Variants in PCBP3 observed in about 807,000 individuals in gnomAD.
PCBP3 encodes poly(rC) binding protein 3.
A neutral mutation model predicts 52.7 loss-of-function variants in PCBP3; 25 were observed. The observed-to-expected ratio is 0.47, with a 90% confidence interval of 0.35 to 0.66. The LOEUF is 0.66. Among genes scored for constraint, PCBP3 ranks in the 30% least tolerant of loss-of-function variants. The pLI is 0.01. For missense variants in PCBP3, 391 were observed against 490.3 expected (o/e 0.80, Z 1.91); for synonymous variants, 162 against 183.0 (o/e 0.89, Z 0.93).
At position 45,646,107 on chromosome 21, in the gene PCBP3, C is replaced by CTGTGTGTGTGTGTG. The variant is rs765931494; in HGVS notation, c.-279+2265_-279+2278dup. ...TTTCTCTCTCTCTCTCTCTCTCTCT[C>CTGTGTGTGTGTGTG]TGTGTGTGTGTGTGTGTGTGTGTGT... On this transcript the variant is annotated intron_variant, in intron 1 of 17. Transcript: ENST00000681687. Among the ~76,000 whole-genome samples, 279 of 83,818 alleles carry CTGTGTGTGTGTGTG rather than the reference C, an allele frequency of 3.3e-3. 1 individual carries two copies. Among genetic ancestry groups the CTGTGTGTGTGTGTG allele is most frequent in the Middle Eastern group, 0.025 (4 of 160 alleles). The allele number at this position is 83,818 out of a possible 152,430, so 55.0% of individuals were successfully genotyped here. A position where few individuals can be genotyped will look rare whatever the true frequency, so the allele number is the denominator to read the frequency against.
chr21:45,683,255 G>A (rs955947997), intron 2 of PCBP3, among the ~76,000 whole-genome samples: 6 of 152,182 alleles, frequency 3.9e-5, no homozygotes, highest in African/African-American at 1.2e-4. Context: ...TTTTGGTGGA[G>A]TAATAGGGCA....
chr21:45,894,195 A>G (rs1033366), intron 5 of PCBP3, among the ~76,000 whole-genome samples: 71,859 of 151,968 alleles, frequency 0.47, 18,788 homozygotes, highest in African/African-American at 0.71. Context: ...TGCCCTTGCA[A>G]TGAAGAGAGG....
chr21:45,877,620 G>A (rs564200128), intron 5 of PCBP3, among the ~76,000 whole-genome samples: 11 of 152,206 alleles, frequency 7.2e-5, no homozygotes, highest in African/African-American at 1.9e-4. Context: ...CCTGGCCAAC[G>A]TGATGAAACC....
At chr21:45,774,103 C>T (rs747032004) in intron 4 of PCBP3, among the ~76,000 whole-genome samples, 87 of 151,974 alleles carry the variant, frequency 5.7e-4, no homozygotes, top group Non-Finnish European at 5.0e-4. Flanking sequence ...ATTCATTTAT[C>T]GCATCTAAAA....
chr21:45,873,751 C>T (rs1391731771), intron 5 of PCBP3, among the ~76,000 whole-genome samples: 1 of 152,214 alleles, frequency 6.6e-6, no homozygotes, highest in Non-Finnish European at 1.5e-5. Context: ...TGAATTATTC[C>T]ATGGTCTACA....
At chr21:45,815,760 A>G (rs1264349887) in intron 4 of PCBP3, among the ~76,000 whole-genome samples, 7 of 43,736 alleles carry the variant, frequency 1.6e-4, no homozygotes, top group African/African-American at 2.1e-4. Context: ...TGAGTGAGTG[A>G]TGAGTGAGTG....
At chr21:45,940,442 C>T (rs1282391194) in intron 17 of PCBP3, among the ~76,000 whole-genome samples, 4 of 152,194 alleles carry the variant, frequency 2.6e-5, no homozygotes, top group Admixed American at 6.5e-5. Flanking sequence ...GGGACAATCC[C>T]GGAGGCTAGA....
intron 4 of PCBP3, among the ~76,000 whole-genome samples, 52 bp downstream of exon 4, chr21:45,755,504 A>C (rs1474733690): frequency 6.6e-6 from 1 of 152,206 alleles, no homozygotes; most frequent in Non-Finnish European, 1.5e-5. Flanking sequence ...CATTGTCCCA[A>C]GTTGCTGCAC....
chr21:45,822,578 T>G (rs1446989170), intron 4 of PCBP3, among the ~76,000 whole-genome samples: 1 of 147,514 alleles, frequency 6.8e-6, no homozygotes, highest in Non-Finnish European at 1.5e-5. Flanking sequence ...TGGGACAGGA[T>G]TAGGAGAGCA....
intron 13 of PCBP3, chr21:45,918,101 C>CAGCGAG: frequency 4.8e-6 from 1 of 206,712 alleles, no homozygotes; most frequent in Non-Finnish European, 9.8e-6. Context: ...ACATAGGGTC[C>CAGCGAG]ATCTACACAC....
intron 4 of PCBP3, among the ~76,000 whole-genome samples, chr21:45,767,667 A>T (rs2089476221): frequency 6.6e-6 from 1 of 152,286 alleles, no homozygotes; most frequent in Admixed American, 6.5e-5. Flanking sequence ...TCCCCATTTT[A>T]AGAAATGGGG....
intron 4 of PCBP3, among the ~76,000 whole-genome samples, chr21:45,790,695 T>C (rs2091481211): frequency 6.6e-6 from 1 of 151,930 alleles, no homozygotes; most frequent in Non-Finnish European, 1.5e-5. Flanking sequence ...CAGTGCCTCA[T>C]CAGGAGAGGA....
At chr21:45,759,282 T>C (rs1005638442) in intron 4 of PCBP3, among the ~76,000 whole-genome samples, 5 of 152,210 alleles carry the variant, frequency 3.3e-5, no homozygotes, top group African/African-American at 1.2e-4. Context: ...ATTAAAGCAA[T>C]TTGGGCCTGG....
intron 4 of PCBP3, among the ~76,000 whole-genome samples, chr21:45,783,657 A>G (rs982547107): frequency 3.3e-5 from 5 of 152,154 alleles, no homozygotes; most frequent in Non-Finnish European, 7.4e-5. Context: ...GTGATGGAGG[A>G]GGTCAGTGCA....
At chr21:45,850,182 T>C in intron 5 of PCBP3, 87 bp downstream of exon 5, 1 of 1,081,762 alleles carries the variant, frequency 9.2e-7, no homozygotes. Flanking sequence ...AAATGAAATC[T>C]GTTTGAAGTG....
intron 4 of PCBP3, among the ~76,000 whole-genome samples, chr21:45,767,360 G>A (rs539006812): frequency 2.8e-4 from 42 of 152,298 alleles, no homozygotes; most frequent in African/African-American, 9.6e-4. Context: ...CTGCATCATC[G>A]TAGCATGTGT....
intron 16 of PCBP3, chr21:45,935,573 G>T (rs991534823): frequency 3.5e-6 from 2 of 571,556 alleles, no homozygotes; most frequent in Non-Finnish European, 6.6e-6. Context: ...TCAGATGAGA[G>T]TTGGGCTGAG....
At chr21:45,645,253 T>C (rs1311836876) in intron 1 of PCBP3, among the ~76,000 whole-genome samples, 1 of 152,114 alleles carries the variant, frequency 6.6e-6, no homozygotes, top group Non-Finnish European at 1.5e-5. Flanking sequence ...TTTTTTTTGC[T>C]TGTATGTAGA....
chr21:45,740,100 C>T (rs1463400738), intron 3 of PCBP3, among the ~76,000 whole-genome samples: 1 of 148,034 alleles, frequency 6.8e-6, no homozygotes, highest in African/African-American at 2.5e-5. Context: ...TCTCAGCTGG[C>T]GTCTATGCCT....
Sources: gnomAD v4.1 joint callset for allele counts (sites outside exome capture counted in the v4.1 genomes callset) on GRCh38, gnomAD v4.1.1 for gene constraint, MANE v1.5 for transcripts, NCBI Gene and HGNC (gene_info 2026-07-23, HGNC 2026-07-21) for gene names.